Variants in UFL1 observed in about 807,000 individuals in gnomAD.
UFL1 encodes the protein UFM1 specific ligase 1.
UFL1 carries 78 observed loss-of-function variants against 99.3 expected under a neutral mutation model. That is an observed-to-expected ratio of 0.79 (90% confidence interval 0.65 to 0.95). The LOEUF (loss-of-function observed/expected upper bound fraction) is 0.95, where lower values mean the gene tolerates loss of function less well. Ranked by LOEUF, UFL1 falls within the 40% of genes least tolerant of loss-of-function variation. The probability of loss-of-function intolerance (pLI) is 0.00; values close to 1 mark genes in which losing one functional copy is unlikely to be tolerated. For missense variants in UFL1, 936 were observed against 937.0 expected (o/e 1.00, Z 0.01); for synonymous variants, 335 against 322.2 (o/e 1.04, Z -0.42).
intron 7 of UFL1, 96 bp downstream of exon 7, chr6:96,534,417 T>A: frequency 1.1e-6 from 1 of 935,486 alleles, no homozygotes; most frequent in Non-Finnish European, 1.5e-6. Flanking sequence ...CTTTTATTGT[T>A]AATGTAACTA....
In UFL1 at chr6:96,537,481, G is replaced by C; in HGVS notation, c.910G>C (p.Gly304Arg). 1 of 1,610,226 alleles carries C rather than the reference G, an allele frequency of 6.2e-7. No homozygotes were observed. The highest frequency in any genetic ancestry group is 8.5e-7 in the Non-Finnish European group (1 of 1,177,920). The change falls in exon 9 of 19, where the codon GGA becomes CGA. Residue 304 changes from glycine (G) to arginine (R), a missense_variant. Physicochemically the swap from Gly to Arg is moderately radical, Grantham distance 125. Transcript: ENST00000369278. ...LFLKAACVGQ[G>R]LVDQVEASVE... The stretch of plus-strand genomic sequence containing the variant: ...TTTGAAAGCAGCTTGTGTTGGTCAA[G>C]GACTTGTGGATCAAGTGGAAGCATC...
intron 13 of UFL1, 36 bp from the exon 14 acceptor site, chr6:96,549,376 A>G: frequency 1.3e-6 from 2 of 1,528,764 alleles, no homozygotes; most frequent in Middle Eastern, 1.7e-4. Context: ...TACTCAGTAC[A>G]TTTTAATAAA....
chr6:96,527,763 T>A (rs1769723851), intron 5 of UFL1, among the ~76,000 whole-genome samples: 1 of 152,192 alleles, frequency 6.6e-6, no homozygotes, highest in African/African-American at 2.4e-5. Flanking sequence ...ATGTTTCAGT[T>A]CCATTCTGAA....
intron 11 of UFL1, among the ~76,000 whole-genome samples, chr6:96,540,955 T>C (rs1181107576): frequency 6.6e-6 from 1 of 151,428 alleles, no homozygotes; most frequent in African/African-American, 2.4e-5. Context: ...TTTTGTTTTG[T>C]TTTGTTTTGA....
At chr6:96,533,556 A>T (rs1180367469) in intron 6 of UFL1, among the ~76,000 whole-genome samples, 1 of 151,976 alleles carries the variant, frequency 6.6e-6, no homozygotes, top group African/African-American at 2.4e-5. Flanking sequence ...ATAGTTATCT[A>T]GATTTAGGAG....
intron 7 of UFL1, among the ~76,000 whole-genome samples, chr6:96,535,357 G>A (rs1024595726): frequency 2.0e-5 from 3 of 151,776 alleles, no homozygotes; most frequent in Non-Finnish European, 4.4e-5. Flanking sequence ...CCTTTTTAGA[G>A]GATTTTAATT....
chr6:96,544,412 A>T (rs543647409), intron 12 of UFL1, among the ~76,000 whole-genome samples: 2 of 151,164 alleles, frequency 1.3e-5, no homozygotes, highest in African/African-American at 4.8e-5. Flanking sequence ...ATTAAAAAAA[A>T]AAACTTTAAA....
chr6:96,539,909 G>T (rs940345607), intron 10 of UFL1, among the ~76,000 whole-genome samples: 2 of 151,416 alleles, frequency 1.3e-5, no homozygotes, highest in Non-Finnish European at 3.0e-5. Context: ...AAAACAAAAA[G>T]GAAATAATAT....
At chr6:96,536,466 C>T in intron 8 of UFL1, 76 bp downstream of exon 8, 1 of 1,113,112 alleles carries the variant, frequency 9.0e-7, no homozygotes, top group Admixed American at 2.4e-5. Context: ...TATACTAACC[C>T]TAGAGTCCTC....
intron 7 of UFL1, among the ~76,000 whole-genome samples, chr6:96,534,535 GA>G (rs995244263): frequency 2.0e-5 from 3 of 148,170 alleles, no homozygotes; most frequent in South Asian, 2.1e-4. Flanking sequence ...GGAGTATAAT[GA>G]AAAAAAAAGT....
At chr6:96,531,490 C>T (rs1471971923) in intron 6 of UFL1, among the ~76,000 whole-genome samples, 1 of 152,176 alleles carries the variant, frequency 6.6e-6, no homozygotes, top group Non-Finnish European at 1.5e-5. Context: ...ATTGCTACTG[C>T]AGCTCCCTTT....
Position 96,537,447 on chromosome 6 carries a change from A to T in UFL1, c.876A>T (p.Gln292His). The T allele has an allele frequency of 6.2e-7, 1 of 1,610,192 alleles. No individual in the cohort carries two copies. Among genetic ancestry groups the T allele is most frequent in the Non-Finnish European group, 8.5e-7 (1 of 1,177,950 alleles). Reference protein sequence around the residue: ...SYIKKRYKTTQLLFLKAACVG... With the variant: ...SYIKKRYKTTHLLFLKAACVG... ...TAAAGAAAAGATATAAGACTACACA[A>T]CTCTTGTTTTTGAAAGCAGCTTGTG... The change falls in exon 9 of 19, where the codon CAA becomes CAT. Residue 292 changes from glutamine (Q) to histidine (H), a missense_variant. Physicochemically the swap from Gln to His is conservative, Grantham distance 24. Transcript: ENST00000369278.
chr6:96,525,436 T>A, intron 4 of UFL1, 42 bp downstream of exon 4: 1 of 1,471,250 alleles, frequency 6.8e-7, no homozygotes, highest in Non-Finnish European at 9.4e-7. Flanking sequence ...CTTTGTTTAT[T>A]TTCTTTCTTT....
In UFL1 at chr6:96,523,135, C is replaced by G; in HGVS notation, c.78-11C>G. The G allele has an allele frequency of 6.3e-7, 1 of 1,581,138 alleles. No homozygotes were observed. Among genetic ancestry groups the G allele is most frequent in the Non-Finnish European group, 8.6e-7 (1 of 1,165,890 alleles). ...GTGGACTTTTGAAACAACTTTTTTT[C>G]TTTCCCTCAGGTTGTCCGAGCGGAA... On this transcript the variant is annotated splice_polypyrimidine_tract_variant and intron_variant, in intron 1 of 18. Coordinates refer to ENST00000369278, the MANE Select transcript of UFL1 (RefSeq NM_015323.5).
intron 6 of UFL1, among the ~76,000 whole-genome samples, chr6:96,533,367 G>A (rs1769809575): frequency 6.6e-6 from 1 of 152,054 alleles, no homozygotes. Flanking sequence ...TCTGTCAGCT[G>A]ATGAGTATAT....
Position 96,555,059 on chromosome 6 carries a change from A to ATTGTT in UFL1, c.*1559_*1563dup, listed in dbSNP as rs753490515. The ATTGTT allele has an allele frequency of 5.2e-5, 8 of 152,550 alleles. No individual in the cohort carries two copies. The highest frequency in any genetic ancestry group is 1.7e-4 in the African/African-American group (7 of 41,440). 9.4% of individuals were successfully genotyped at this position (152,550 alleles called of 1,614,324 possible). A position where few individuals can be genotyped will look rare whatever the true frequency, so the allele number is the denominator to read the frequency against. Reference sequence around the variant, plus strand: ...CAGTGAAGCAAGTAAAAAGAAAAGCATTGTTTTAATTTGTTTGCATTAATT... The same window carrying ATTGTT: ...CAGTGAAGCAAGTAAAAAGAAAAGCATTGTTTTGTTTTAATTTGTTTGCATTAATT... On this transcript the variant is annotated 3_prime_UTR_variant, in exon 19 of 19. Coordinates refer to ENST00000369278, the MANE Select transcript of UFL1 (RefSeq NM_015323.5).
At position 96,549,712 on chromosome 6, in the gene UFL1, G is replaced by A. The variant is rs751041039; in HGVS notation, c.1731G>A (p.Val577=). 66 of 1,612,212 alleles carry A rather than the reference G, an allele frequency of 4.1e-5. 1 individual carries two copies. The South Asian group carries it at 5.2e-4, about 13-fold the overall frequency. The change falls in exon 15 of 19, where the codon GTG becomes GTA. Residue 577 remains valine (V), a synonymous_variant. Transcript: ENST00000369278. ...AALTKHLLKS[V]CTDITNLIFN... is the part of the protein sequence containing the mutation. Reference sequence around the variant, plus strand: ...TTACCAAACACTTGCTGAAGTCAGTGTGTACTGATATCACTAACCTCATTT... The same window carrying A: ...TTACCAAACACTTGCTGAAGTCAGTATGTACTGATATCACTAACCTCATTT...
Position 96,523,141 on chromosome 6 carries a change from C to T in UFL1, c.78-5C>T. On this transcript the variant is annotated splice_region_variant and splice_polypyrimidine_tract_variant and intron_variant, in intron 1 of 18. Transcript: ENST00000369278. ...TTTTGAAACAACTTTTTTTCTTTCCCTCAGGTTGTCCGAGCGGAACTGCAT... is the reference window on the plus strand; with the variant it reads ...TTTTGAAACAACTTTTTTTCTTTCCTTCAGGTTGTCCGAGCGGAACTGCAT... The T allele has an allele frequency of 6.3e-7, 1 of 1,594,758 alleles. No homozygotes were observed.
At chr6:96,529,003 A>G (rs1224522662) in intron 6 of UFL1, among the ~76,000 whole-genome samples, 1 of 152,232 alleles carries the variant, frequency 6.6e-6, no homozygotes, top group Non-Finnish European at 1.5e-5. Context: ...ATCACATAAT[A>G]GGCACATGAC....
Sources: gnomAD v4.1 joint callset for allele counts (sites outside exome capture counted in the v4.1 genomes callset) on GRCh38, gnomAD v4.1.1 for gene constraint, MANE v1.5 for transcripts, NCBI Gene and HGNC (gene_info 2026-07-23, HGNC 2026-07-21) for gene names.